Variants in AXDND1 observed in about 807,000 individuals in gnomAD.
AXDND1 encodes the protein axonemal dynein light chain domain containing 1.
AXDND1 carries 110 observed loss-of-function variants against 137.5 expected under a neutral mutation model. That is an observed-to-expected ratio of 0.80 (90% confidence interval 0.69 to 0.94). The LOEUF is 0.94. Ranked by LOEUF, AXDND1 falls within the 40% of genes least tolerant of loss-of-function variation. The pLI is 0.00. For missense variants in AXDND1, 1,191 were observed against 1,169.8 expected (o/e 1.02, Z -0.26); for synonymous variants, 414 against 399.7 (o/e 1.04, Z -0.43).
Position 179,439,501 on chromosome 1 carries a change from T to G in AXDND1, c.1564-5469T>G, listed in dbSNP as rs971470238. Among the ~76,000 whole-genome samples, 4 of 152,240 alleles carry G rather than the reference T, an allele frequency of 2.6e-5. No individual in the cohort carries two copies. The South Asian group carries it at 8.3e-4, about 32-fold the overall frequency. ...CTACTCTCCCTGATCATGACAAATC[T>G]CAGGAGGAGTTTCACTCCAAAGTTT... On this transcript the variant is annotated intron_variant, in intron 15 of 25. Transcript: ENST00000367618.
chr1:179,543,111 G>T (rs1227917342), intron 25 of AXDND1: 1 of 152,198 alleles, frequency 6.6e-6, no homozygotes, highest in Non-Finnish European at 1.5e-5. Flanking sequence ...CTTTTTTCCT[G>T]AGGGTTGTGC....
At position 179,394,037 on chromosome 1, in the gene AXDND1, T is replaced by C; in HGVS notation, c.998T>C (p.Leu333Pro). Residue 333 changes from leucine (L) to proline (P), a missense_variant, in exon 10 of 26, where the codon CTG becomes CCG. Coordinates refer to ENST00000367618, the MANE Select transcript of AXDND1 (RefSeq NM_144696.6). ...LYNFKHVIEE[L>P]TRELCLVRAH... ...AATTTCAAGCATGTTATTGAAGAAC[T>C]GACCAGGTAAAAACTGTGATTATCT... The C allele has an allele frequency of 3.1e-6, 5 of 1,602,338 alleles. No individual in the cohort carries two copies. Among genetic ancestry groups the C allele is most frequent in the Non-Finnish European group, 3.4e-6 (4 of 1,175,700 alleles).
intron 25 of AXDND1, chr1:179,551,153 C>A: frequency 6.2e-7 from 1 of 1,613,464 alleles, no homozygotes; most frequent in South Asian, 1.1e-5. Context: ...CCTTTACAGT[C>A]ACATTATGCC....
chr1:179,498,127 A>G (rs1352676227), intron 20 of AXDND1, among the ~76,000 whole-genome samples: 2 of 151,768 alleles, frequency 1.3e-5, no homozygotes, highest in East Asian at 1.9e-4. Context: ...CAAACTATCA[A>G]TGTCATTCTT....
intron 22 of AXDND1, among the ~76,000 whole-genome samples, 189 bp downstream of exon 22, chr1:179,525,636 A>C (rs1670465073): frequency 6.6e-6 from 1 of 152,100 alleles, no homozygotes. Flanking sequence ...AGCTAGGACT[A>C]CAGGCATGCA....
intron 12 of AXDND1, among the ~76,000 whole-genome samples, chr1:179,428,495 T>C (rs1656905447): frequency 6.6e-6 from 1 of 152,274 alleles, no homozygotes; most frequent in Non-Finnish European, 1.5e-5. Context: ...TGATTTCTTA[T>C]ATTAGTGGTT....
intron 4 of AXDND1, among the ~76,000 whole-genome samples, chr1:179,378,436 A>G (rs1352183332): frequency 1.3e-5 from 2 of 152,066 alleles, no homozygotes; most frequent in Non-Finnish European, 2.9e-5. Flanking sequence ...TGAATGAGAA[A>G]TTTCAGGTGG....
At position 179,418,271 on chromosome 1, in the gene AXDND1, A is replaced by G. The variant is rs569954827; in HGVS notation, c.1230+7005A>G. Reference sequence around the variant, plus strand: ...CCTTAATCCATTTAACCCTGAGTGGACACAGCACATGTTTCAGAGAGCATA... The same window carrying G: ...CCTTAATCCATTTAACCCTGAGTGGGCACAGCACATGTTTCAGAGAGCATA... On this transcript the variant is annotated intron_variant, in intron 12 of 25. Coordinates refer to ENST00000367618, the MANE Select transcript of AXDND1 (RefSeq NM_144696.6). Among the ~76,000 whole-genome samples, 204 of 152,334 alleles carry G rather than the reference A, an allele frequency of 1.3e-3. 1 individual carries two copies. The highest frequency in any genetic ancestry group is 4.7e-3 in the African/African-American group (197 of 41,568).
chr1:179,465,996 C>T (rs1237817272), intron 16 of AXDND1, among the ~76,000 whole-genome samples: 2 of 152,136 alleles, frequency 1.3e-5, no homozygotes, highest in Admixed American at 6.5e-5. Flanking sequence ...GTGGGAGTGT[C>T]CCAATTTTCC....
At chr1:179,458,009 T>TTTTTA (rs1661670078) in intron 16 of AXDND1, among the ~76,000 whole-genome samples, 1 of 151,998 alleles carries the variant, frequency 6.6e-6, no homozygotes, top group Admixed American at 6.6e-5. Context: ...TTTCTTTTTT[T>TTTTTA]GAGACAGTCT....
intron 10 of AXDND1, among the ~76,000 whole-genome samples, chr1:179,394,667 A>G (rs1302947711): frequency 6.7e-6 from 1 of 149,786 alleles, no homozygotes; most frequent in Non-Finnish European, 1.5e-5. Context: ...ATGGATGTTA[A>G]CATTATGGAT....
chr1:179,409,020 G>C (rs981598444), intron 11 of AXDND1, among the ~76,000 whole-genome samples: 1 of 147,106 alleles, frequency 6.8e-6, no homozygotes, highest in Non-Finnish European at 1.5e-5. Flanking sequence ...TTTGATAGGG[G>C]TTGCATTGAA....
At chr1:179,541,482 T>TTTG (rs1421619005) in intron 25 of AXDND1, among the ~76,000 whole-genome samples, 21 of 148,526 alleles carry the variant, frequency 1.4e-4, no homozygotes. Context: ...CGTTTTTGTT[T>TTTG]TTTTTTTTTT....
At chr1:179,390,893 G>A (rs1346616335) in intron 9 of AXDND1, among the ~76,000 whole-genome samples, 2 of 152,034 alleles carry the variant, frequency 1.3e-5, no homozygotes, top group Non-Finnish European at 2.9e-5. Context: ...TGCAACCTCT[G>A]CCTCCCAGGT....
intron 19 of AXDND1, 41 bp downstream of exon 19, chr1:179,491,778 A>T: frequency 6.8e-7 from 1 of 1,468,292 alleles, no homozygotes; most frequent in Non-Finnish European, 9.1e-7. Context: ...GAAGAATTGA[A>T]TGTCGCATAT....
chr1:179,493,023 G>A, intron 20 of AXDND1, 72 bp downstream of exon 20: 5 of 995,934 alleles, frequency 5.0e-6, no homozygotes, highest in Non-Finnish European at 7.5e-6. Context: ...AAGTTCAATT[G>A]ATGTACAACA....
In AXDND1 at chr1:179,378,288, A is replaced by C. The variant is rs367681928; in HGVS notation, c.375-349A>C. Among the ~76,000 whole-genome samples the C allele has an allele frequency of 2.0e-5, 3 of 152,306 alleles. No homozygotes were observed. The East Asian group carries it at 5.8e-4, about 29-fold the overall frequency. On this transcript the variant is annotated intron_variant, in intron 4 of 25. Coordinates refer to ENST00000367618, the MANE Select transcript of AXDND1 (RefSeq NM_144696.6). ...AAAGGGGATGTAGAGTTGGAGATAC[A>C]CAGAAGTTAGGACTGATGGAATGAG...
intron 16 of AXDND1, among the ~76,000 whole-genome samples, chr1:179,446,650 C>G (rs1328435113): frequency 2.0e-5 from 3 of 152,196 alleles, no homozygotes; most frequent in Non-Finnish European, 4.4e-5. Context: ...AAATGTAAAA[C>G]ACCCTTTCAC....
At chr1:179,465,348 C>T (rs1178196219) in intron 16 of AXDND1, among the ~76,000 whole-genome samples, 4 of 152,214 alleles carry the variant, frequency 2.6e-5, no homozygotes, top group African/African-American at 7.2e-5. Flanking sequence ...ACAGTCAGGA[C>T]CCTCAGCTGC....
Sources: gnomAD v4.1 joint callset for allele counts (sites outside exome capture counted in the v4.1 genomes callset) on GRCh38, gnomAD v4.1.1 for gene constraint, MANE v1.5 for transcripts, NCBI Gene and HGNC (gene_info 2026-07-23, HGNC 2026-07-21) for gene names.